GATA4: variants seen among roughly 807,000 people sequenced by gnomAD.
GATA4 encodes the protein transcription factor GATA-4.
Under a neutral mutation model 37.9 loss-of-function variants are expected in GATA4, and 7 were observed. The observed-to-expected ratio is 0.18, with a 90% CI of 0.11 to 0.35. GATA4 has a LOEUF of 0.35. GATA4 is among the 10% of genes least tolerant of loss of function. The probability of loss-of-function intolerance (pLI) is 1.00; values close to 1 mark genes in which losing one functional copy is unlikely to be tolerated. For missense variants in GATA4, 647 were observed against 653.0 expected, an observed-to-expected ratio of 0.99 and a Z score of 0.10; for synonymous variants, 372 against 292.6, an observed-to-expected ratio of 1.27 and a Z score of -2.77.
intron 1 of GATA4, among the ~76,000 whole-genome samples, chr8:11,678,684 C>A (rs1474268154): frequency 6.6e-6 from 1 of 152,160 alleles, no homozygotes; most frequent in Non-Finnish European, 1.5e-5. Context: ...ATTTGTAGTA[C>A]TAGCAAATGT....
At position 11,681,397 on chromosome 8, in the gene GATA4, G is replaced by C. The variant is rs963956725; in HGVS notation, c.-274+4334G>C. 3.1e-5 allele frequency: 31 copies of C among 985,184 alleles called. No homozygotes were observed. In the African/African-American group the frequency reaches 4.9e-4, roughly 16 times the overall value. 61.0% of individuals were successfully genotyped at this position (985,184 alleles called of 1,614,324 possible). On this transcript the variant is annotated intron_variant, in intron 1 of 6. Transcript: ENST00000528712. The stretch of plus-strand genomic sequence containing the variant: ...ATAAAAACTCCTGGCAGACCCTTCC[G>C]GGATCACGCGTGGCTCAACTCGGGG...
At chr8:11,736,147 G>C (rs998669723) in intron 2 of GATA4, among the ~76,000 whole-genome samples, 1 of 152,010 alleles carries the variant, frequency 6.6e-6, no homozygotes, top group Non-Finnish European at 1.5e-5. Flanking sequence ...CTGAGCTCAA[G>C]CCATACTCCG....
intron 2 of GATA4, among the ~76,000 whole-genome samples, chr8:11,743,751 G>T (rs534558197): frequency 6.6e-6 from 1 of 152,346 alleles, no homozygotes; most frequent in South Asian, 2.1e-4. Flanking sequence ...GGAAGTCAGG[G>T]GTGGGATGTT....
chr8:11,689,639 G>A (rs758871965), upstream of GATA4, among the ~76,000 whole-genome samples: 70 of 152,290 alleles, frequency 4.6e-4, no homozygotes, highest in Non-Finnish European at 9.3e-4. Context: ...GAATGACTGC[G>A]GTTTTGAATG....
At chr8:11,701,040 A>C (rs952749713), upstream of GATA4, among the ~76,000 whole-genome samples, 13 of 152,252 alleles carry the variant, frequency 8.5e-5, no homozygotes, top group Non-Finnish European at 1.8e-4. Context: ...CAGTGTTTAG[A>C]TTGCTCTGTA....
At position 11,739,422 on chromosome 8, in the gene GATA4, T is replaced by TCGTGTGCGGAGGAG. The variant is rs1801613780; in HGVS notation, c.617-9494_617-9493insCGTGTGCGGAGGAG. Among the ~76,000 whole-genome samples, 204 of 152,124 alleles carry TCGTGTGCGGAGGAG rather than the reference T, an allele frequency of 1.3e-3. 2 individuals carry two copies. The highest frequency in any genetic ancestry group is 7.6e-3 in the South Asian group (36 of 4,744). On this transcript the variant is annotated intron_variant, in intron 2 of 6. Transcript: ENST00000532059. ...TTATTCCAGTGAATTATTAGAGCAG[T>TCGTGTGCGGAGGAG]TTTATTGCTAGCAAGAGTGGGCTGG...
chr8:11,710,014 G>A (rs1163703941), intron 2 of GATA4, among the ~76,000 whole-genome samples: 2 of 152,202 alleles, frequency 1.3e-5, no homozygotes, highest in Admixed American at 6.5e-5. Context: ...CCTACTAAGT[G>A]CTAAATCCTT....
chr8:11,750,919 C>A (rs761892576), intron 4 of GATA4, among the ~76,000 whole-genome samples: 5 of 150,734 alleles, frequency 3.3e-5, no homozygotes, highest in Non-Finnish European at 5.9e-5. Context: ...TGCACTCCAG[C>A]CTGAGTGACA....
chr8:11,679,233 T>C (rs1358116876), intron 1 of GATA4, among the ~76,000 whole-genome samples: 2 of 149,874 alleles, frequency 1.3e-5, no homozygotes, highest in Non-Finnish European at 1.5e-5. Flanking sequence ...CACAGGAGAA[T>C]GTCAGTGGCC....
chr8:11,729,556 A>C (rs1346826323), intron 2 of GATA4, among the ~76,000 whole-genome samples: 3 of 30,724 alleles, frequency 9.8e-5, no homozygotes, highest in Non-Finnish European at 2.3e-4. Context: ...ACTGTGTCTC[A>C]AAAAAAAAAA....
At chr8:11,704,973 C>T (rs962050369) in intron 1 of GATA4, among the ~76,000 whole-genome samples, 2 of 152,254 alleles carry the variant, frequency 1.3e-5, no homozygotes, top group African/African-American at 2.4e-5. Flanking sequence ...GAGCCCGGAC[C>T]GGAGCCGTGA....
upstream of GATA4, among the ~76,000 whole-genome samples, chr8:11,703,892 G>A (rs560860578): frequency 1.9e-4 from 29 of 152,336 alleles, no homozygotes; most frequent in Non-Finnish European, 3.4e-4. Context: ...CCACAGGAAG[G>A]GGGGGCGGGG....
rs71521636 is a variant in GATA4 at position 11,742,384 on chromosome 8, G to GT, written c.617-6520dup. On this transcript the variant is annotated intron_variant, in intron 2 of 6. Transcript: ENST00000532059. ...CCTCCGTTCTTGTTTTTGGTGTTTT[G>GT]TTTTTTTTTTTTCCTTTCCCTTTCC... Among the ~76,000 whole-genome samples the GT allele has an allele frequency of 3.1e-3, 212 of 68,420 alleles. 1 individual carries two copies. In the Middle Eastern group the frequency reaches 0.039, roughly 13 times the overall value. 44.9% of individuals were successfully genotyped at this position (68,420 alleles called of 152,430 possible). A position where few individuals can be genotyped will look rare whatever the true frequency, so the allele number is the denominator to read the frequency against.
At chr8:11,723,398 A>G (rs9329247) in intron 2 of GATA4, among the ~76,000 whole-genome samples, 127,039 of 152,144 alleles carry the variant, frequency 0.83, 53,155 homozygotes, top group Middle Eastern at 0.86. Flanking sequence ...GTTTCTATCC[A>G]TATATCCTGA....
At chr8:11,711,325 T>C (rs1800173462) in intron 2 of GATA4, among the ~76,000 whole-genome samples, 1 of 152,196 alleles carries the variant, frequency 6.6e-6, no homozygotes, top group African/African-American at 2.4e-5. Flanking sequence ...AGCCTTTGAA[T>C]CTGGCCTAGA....
At chr8:11,722,132 A>C (rs1047392257) in intron 2 of GATA4, among the ~76,000 whole-genome samples, 4 of 152,174 alleles carry the variant, frequency 2.6e-5, no homozygotes, top group African/African-American at 9.7e-5. Context: ...ACTGGTGTGA[A>C]CCACCACACC....
At chr8:11,699,602 G>A (rs1414327963), upstream of GATA4, among the ~76,000 whole-genome samples, 1 of 152,228 alleles carries the variant, frequency 6.6e-6, no homozygotes, top group Non-Finnish European at 1.5e-5. Flanking sequence ...ATACATGGCG[G>A]CGCCTGCGTG....
chr8:11,753,792 A>G (rs1802420108), intron 4 of GATA4, among the ~76,000 whole-genome samples: 1 of 152,228 alleles, frequency 6.6e-6, no homozygotes, highest in Admixed American at 6.5e-5. Context: ...TCTCTGAAGC[A>G]GTAATTGCTT....
intron 1 of GATA4, chr8:11,680,571 G>A: frequency 1.0e-6 from 1 of 985,362 alleles, no homozygotes; most frequent in Non-Finnish European, 1.2e-6. Flanking sequence ...GGTGGGCCAG[G>A]AAGCCCAGGC....
Sources: allele counts gnomAD v4.1 joint callset (sites outside exome capture counted in the v4.1 genomes callset), GRCh38; gene constraint gnomAD v4.1.1; transcripts MANE v1.5; gene names NCBI Gene and HGNC (gene_info 2026-07-23, HGNC 2026-07-21).